The following TMEM123 variants were observed in gnomAD, a reference collection of about 807,000 sequenced individuals.
TMEM123 encodes porimin.
TMEM123 carries 16 observed loss-of-function variants against 19.7 expected under a neutral mutation model. That is an observed-to-expected ratio of 0.81 (90% CI 0.55 to 1.23). The LOEUF is 1.23. Ranked by LOEUF, TMEM123 falls within the 50% of genes most tolerant of loss-of-function variation. The pLI, the probability that TMEM123 is intolerant of heterozygous loss-of-function variation, is 0.00. For synonymous variants in TMEM123, 118 were observed against 99.4 expected (o/e 1.19, Z -1.12); for missense variants, 313 against 257.8 (o/e 1.21, Z -1.47).
At chr11:102,405,689 C>A (rs1951949752) in intron 2 of TMEM123, among the ~76,000 whole-genome samples, 2 of 151,986 alleles carry the variant, frequency 1.3e-5, no homozygotes, top group South Asian at 4.1e-4. Context: ...ACACACACAC[C>A]CCTCCCCCTG....
chr11:102,431,675 C>A (rs1857711373), intron 2 of TMEM123, among the ~76,000 whole-genome samples: 1 of 152,160 alleles, frequency 6.6e-6, no homozygotes, highest in Admixed American at 6.5e-5. Context: ...ATATGTATCA[C>A]ATGTGCTTTA....
intron 2 of TMEM123, among the ~76,000 whole-genome samples, chr11:102,438,210 A>AC (rs1369985531): frequency 6.6e-6 from 1 of 151,648 alleles, no homozygotes; most frequent in Non-Finnish European, 1.5e-5. Context: ...ACATCACCAC[A>AC]CCCAGCTAAT....
chr11:102,414,678 T>A (rs1209198016), intron 2 of TMEM123, among the ~76,000 whole-genome samples: 1 of 152,200 alleles, frequency 6.6e-6, no homozygotes, highest in South Asian at 2.1e-4. Context: ...AGACTTGCCT[T>A]AGAAGAGGTC....
intron 2 of TMEM123, among the ~76,000 whole-genome samples, chr11:102,410,748 A>G (rs969282263): frequency 1.3e-5 from 2 of 151,976 alleles, no homozygotes; most frequent in South Asian, 2.1e-4. Context: ...GAACTATGCT[A>G]GGAGGCTCTG....
rs757567790 is a variant in TMEM123, at chr11:102,398,093, G to C, written c.*774C>G. The stretch of plus-strand genomic sequence containing the variant: ...AGGAGGTTTTTTCCCTATAATGCCA[G>C]GATTATTTAATACTGACAACTAAGT... On this transcript the variant is annotated 3_prime_UTR_variant, in exon 5 of 5. Coordinates refer to ENST00000398136, the MANE Select transcript of TMEM123 (RefSeq NM_052932.3). The C allele has an allele frequency of 6.6e-6, 1 of 152,266 alleles. No homozygotes were observed. The highest frequency in any genetic ancestry group is 1.5e-5 in the Non-Finnish European group (1 of 68,164). 9.4% of individuals were successfully genotyped at this position (152,266 alleles called of 1,614,324 possible).
chr11:102,449,627 C>G (rs2135868226), intron 1 of TMEM123, among the ~76,000 whole-genome samples: 1 of 152,218 alleles, frequency 6.6e-6, no homozygotes, highest in Non-Finnish European at 1.5e-5. Context: ...CAAATTTCTT[C>G]TTTGTGAGAA....
chr11:102,451,928 G>A (rs769518507), intron 1 of TMEM123, among the ~76,000 whole-genome samples: 33 of 152,222 alleles, frequency 2.2e-4, no homozygotes, highest in Non-Finnish European at 4.1e-4. Context: ...CCATGGGGGC[G>A]GCCGCCTCAA....
intron 2 of TMEM123, among the ~76,000 whole-genome samples, chr11:102,436,833 A>G (rs1857768054): frequency 6.6e-6 from 1 of 152,212 alleles, no homozygotes. Context: ...AATAAAAAAG[A>G]ATGTCAAGTA....
intron 2 of TMEM123, among the ~76,000 whole-genome samples, chr11:102,412,619 TATC>T (rs2135848285): frequency 6.6e-6 from 1 of 152,278 alleles, no homozygotes; most frequent in Non-Finnish European, 1.5e-5. Context: ...ACTCTATTAA[TATC>T]ATATGCAAGT....
chr11:102,420,208 GC>G (rs1441361230), intron 2 of TMEM123, among the ~76,000 whole-genome samples: 2 of 152,114 alleles, frequency 1.3e-5, no homozygotes, highest in Admixed American at 6.5e-5. Flanking sequence ...AGGCTCCCTT[GC>G]CCCCCAAGGC....
At position 102,397,005 on chromosome 11, in the gene TMEM123, A is replaced by C. The variant is rs1037776091; in HGVS notation, c.*1862T>G. 6.6e-6 allele frequency: 1 copy of C among 152,208 alleles called. No homozygotes were observed. 9.4% of individuals were successfully genotyped at this position (152,208 alleles called of 1,614,324 possible). ...TTAGAATAAAGTATATCTTAACTACATTTTGCAAAGAAATGAAGCAATGGT... is the reference window on the plus strand; with the variant it reads ...TTAGAATAAAGTATATCTTAACTACCTTTTGCAAAGAAATGAAGCAATGGT... On this transcript the variant is annotated 3_prime_UTR_variant, in exon 5 of 5. Transcript: ENST00000398136.
intron 2 of TMEM123, among the ~76,000 whole-genome samples, chr11:102,433,499 C>A (rs1279710564): frequency 1.3e-5 from 2 of 151,816 alleles, no homozygotes; most frequent in Non-Finnish European, 2.9e-5. Context: ...TAGGAAGTAA[C>A]TAACTTGCTT....
chr11:102,427,187 T>C (rs977777191), intron 2 of TMEM123, among the ~76,000 whole-genome samples: 1 of 151,986 alleles, frequency 6.6e-6, no homozygotes, highest in Non-Finnish European at 1.5e-5. Context: ...TCAAACACAG[T>C]TGGCTTTTGT....
intron 2 of TMEM123, among the ~76,000 whole-genome samples, chr11:102,409,758 G>A (rs1388992695): frequency 2.6e-5 from 4 of 151,920 alleles, no homozygotes; most frequent in East Asian, 1.9e-4. Flanking sequence ...TCTGTAATCC[G>A]GGAGGCTGAG....
intron 2 of TMEM123, among the ~76,000 whole-genome samples, chr11:102,428,851 C>T (rs748682878): frequency 8.5e-5 from 13 of 152,210 alleles, no homozygotes; most frequent in Non-Finnish European, 1.8e-4. Flanking sequence ...CTAGTAACTA[C>T]TGGCCACCAA....
chr11:102,446,522 G>A (rs1461283230), intron 2 of TMEM123, among the ~76,000 whole-genome samples: 1 of 152,316 alleles, frequency 6.6e-6, no homozygotes, highest in Admixed American at 6.5e-5. Flanking sequence ...GTACACATCT[G>A]CAAAATGTAT....
Position 102,402,178 on chromosome 11 carries a change from A to G in TMEM123, c.186T>C (p.His62=). The G allele has an allele frequency of 6.2e-7, 1 of 1,614,144 alleles. No homozygotes were observed. The highest frequency in any genetic ancestry group is 1.1e-5 in the South Asian group (1 of 91,084). Residue 62 remains histidine, a synonymous_variant, in exon 3 of 5, where the codon CAT becomes CAC. Transcript: ENST00000398136. The stretch of plus-strand genomic sequence containing the variant: ...CAGTACTGTTGGAAGTTTCATTTGT[A>G]TGGTCAGAAGGCACATGTTGGAGAG... ...TETLQHVPSD[H]TNETSNSTVK... is the part of the protein sequence containing the mutation.
chr11:102,427,471 CAG>C (rs1411743155), intron 2 of TMEM123, among the ~76,000 whole-genome samples: 2 of 132,708 alleles, frequency 1.5e-5, no homozygotes, highest in East Asian at 4.4e-4. Context: ...TTTTTGGAGA[CAG>C]AGTCTCACTC....
At chr11:102,443,091 GA>G (rs1857844425) in intron 2 of TMEM123, among the ~76,000 whole-genome samples, 1 of 152,088 alleles carries the variant, frequency 6.6e-6, no homozygotes, top group South Asian at 2.1e-4. Context: ...TGGACAGGAA[GA>G]ATCAATATCG....
Sources: gnomAD v4.1 joint callset for allele counts (sites outside exome capture counted in the v4.1 genomes callset) on GRCh38, gnomAD v4.1.1 for gene constraint, MANE v1.5 for transcripts, NCBI Gene and HGNC (gene_info 2026-07-23, HGNC 2026-07-21) for gene names.